Variants in DYM observed in about 807,000 individuals in gnomAD.
The protein encoded by DYM is dyggve-Melchior-Clausen syndrome protein.
In DYM, 78 loss-of-function variants were observed where a neutral mutation model predicts 93.1. The observed-to-expected ratio is 0.84, with a 90% CI of 0.70 to 1.01. The LOEUF (loss-of-function observed/expected upper bound fraction) is 1.01, where lower values mean the gene tolerates loss of function less well. Among genes scored for constraint, DYM ranks in the 50% least tolerant of loss-of-function variants. DYM has a pLI of 0.00. For synonymous variants in DYM, 321 were observed against 319.7 expected (o/e 1.00, Z -0.04); for missense variants, 789 against 845.0 (o/e 0.93, Z 0.82).
At chr18:49,214,493 C>T (rs961929046) in intron 13 of DYM, among the ~76,000 whole-genome samples, 1 of 149,026 alleles carries the variant, frequency 6.7e-6, no homozygotes, top group African/African-American at 2.5e-5. Flanking sequence ...GTCCTTGGTG[C>T]AACAAAGGTT....
intron 13 of DYM, among the ~76,000 whole-genome samples, chr18:49,219,746 G>T (rs899411758): frequency 6.6e-6 from 1 of 151,970 alleles, no homozygotes; most frequent in Non-Finnish European, 1.5e-5. Flanking sequence ...AGGTATTGAT[G>T]GGACGTATCT....
At chr18:49,201,760 C>T (rs1286649245) in intron 14 of DYM, among the ~76,000 whole-genome samples, 1 of 152,226 alleles carries the variant, frequency 6.6e-6, no homozygotes, top group African/African-American at 2.4e-5. Flanking sequence ...AGCACATTAT[C>T]TATTCTTAGT....
At chr18:49,173,326 C>T (rs1469407648) in intron 14 of DYM, among the ~76,000 whole-genome samples, 1 of 152,040 alleles carries the variant, frequency 6.6e-6, no homozygotes, top group African/African-American at 2.4e-5. Context: ...ATCAACTTGT[C>T]ATTTTCTACC....
At chr18:49,399,542 A>G (rs1256438203) in intron 2 of DYM, among the ~76,000 whole-genome samples, 2 of 152,212 alleles carry the variant, frequency 1.3e-5, no homozygotes, top group African/African-American at 2.4e-5. Flanking sequence ...ATTCCAACGT[A>G]TATTAGTGAG....
intron 5 of DYM, among the ~76,000 whole-genome samples, chr18:49,376,290 C>T (rs776888320): frequency 8.5e-5 from 13 of 152,172 alleles, no homozygotes; most frequent in East Asian, 1.9e-4. Flanking sequence ...AGAACACTTA[C>T]GAAACAAACT....
intron 1 of DYM, among the ~76,000 whole-genome samples, chr18:49,434,161 T>G (rs1184346178): frequency 6.6e-6 from 1 of 151,954 alleles, no homozygotes; most frequent in East Asian, 1.9e-4. Context: ...CTGGCCAACA[T>G]GGTGAAACCC....
At chr18:49,211,629 A>G (rs896164835) in intron 13 of DYM, among the ~76,000 whole-genome samples, 2 of 152,206 alleles carry the variant, frequency 1.3e-5, no homozygotes, top group African/African-American at 4.8e-5. Context: ...TCAAACAACC[A>G]ATCAGTCAAG....
intron 11 of DYM, among the ~76,000 whole-genome samples, chr18:49,262,845 A>T (rs201655820): frequency 1.8e-3 from 21 of 11,426 alleles, no homozygotes; most frequent in Non-Finnish European, 7.8e-3. Flanking sequence ...GCTACATTTT[A>T]AAAAAAATCC....
chr18:49,235,178 A>T (rs987416717), intron 13 of DYM, among the ~76,000 whole-genome samples: 5 of 152,258 alleles, frequency 3.3e-5, no homozygotes, highest in African/African-American at 1.2e-4. Flanking sequence ...TTAAGCAGTT[A>T]AGTTTGCAGT....
At chr18:49,204,334 G>T (rs1271050590) in intron 14 of DYM, among the ~76,000 whole-genome samples, 3 of 152,142 alleles carry the variant, frequency 2.0e-5, no homozygotes, top group African/African-American at 7.2e-5. Flanking sequence ...ACAATCTGAA[G>T]AGCCGAGTTA....
intron 11 of DYM, among the ~76,000 whole-genome samples, chr18:49,268,409 T>C (rs543017592): frequency 2.0e-5 from 3 of 152,312 alleles, no homozygotes; most frequent in South Asian, 2.1e-4. Context: ...CTGAACTCAA[T>C]GTGAACTGAA....
At chr18:49,316,003 C>T (rs769351307) in intron 8 of DYM, among the ~76,000 whole-genome samples, 1 of 152,130 alleles carries the variant, frequency 6.6e-6, no homozygotes, top group Non-Finnish European at 1.5e-5. Context: ...ATGAATAGGC[C>T]GTGTGCAGTG....
chr18:49,188,161 G>C (rs1013454592), intron 14 of DYM, among the ~76,000 whole-genome samples: 2 of 152,150 alleles, frequency 1.3e-5, no homozygotes, highest in African/African-American at 4.8e-5. Context: ...TGGCTGTTTG[G>C]GGGGTAGCAT....
intron 16 of DYM, among the ~76,000 whole-genome samples, chr18:49,116,863 C>T (rs935244118): frequency 1.3e-5 from 2 of 152,198 alleles, no homozygotes; most frequent in Non-Finnish European, 2.9e-5. Context: ...AACTTTGTTT[C>T]ATAATCTTAT....
At chr18:49,321,009 A>G (rs1247609802) in intron 8 of DYM, 1 of 177,896 alleles carries the variant, frequency 5.6e-6, no homozygotes, top group Admixed American at 6.2e-5. Context: ...ATAAATTAAA[A>G]CAGCTGCTTA....
chr18:49,211,964 C>T (rs1021538312), intron 13 of DYM, among the ~76,000 whole-genome samples: 1 of 152,076 alleles, frequency 6.6e-6, no homozygotes, highest in East Asian at 1.9e-4. Flanking sequence ...ATGTGTATCA[C>T]CAGCACTTTA....
chr18:49,046,486 C>T (rs982676734), intron 17 of DYM, among the ~76,000 whole-genome samples: 2 of 150,518 alleles, frequency 1.3e-5, no homozygotes, highest in Admixed American at 6.6e-5. Context: ...CACACAGACA[C>T]ACACACAGAC....
At chr18:49,073,222 T>A (rs1030843554) in intron 17 of DYM, among the ~76,000 whole-genome samples, 1 of 152,230 alleles carries the variant, frequency 6.6e-6, no homozygotes, top group African/African-American at 2.4e-5. Context: ...GAAATGAGTA[T>A]CTTTATGTTT....
At chr18:49,100,785 T>C (rs1338498271) in intron 16 of DYM, among the ~76,000 whole-genome samples, 4 of 152,300 alleles carry the variant, frequency 2.6e-5, no homozygotes, top group East Asian at 3.9e-4. Flanking sequence ...TCCTACAGAA[T>C]TGTAAAAAGG....
Sources: gnomAD v4.1 joint callset for allele counts (sites outside exome capture counted in the v4.1 genomes callset) on GRCh38, gnomAD v4.1.1 for gene constraint, MANE v1.5 for transcripts, NCBI Gene and HGNC (gene_info 2026-07-23, HGNC 2026-07-21) for gene names.